ZWILCH: variants seen among roughly 807,000 people sequenced by gnomAD.
ZWILCH encodes zwilch kinetochore protein.
A neutral mutation model predicts 79.9 loss-of-function variants in ZWILCH; 74 were observed. The ratio of observed to expected loss-of-function variants is 0.93; its 90% CI spans 0.77 to 1.12. The LOEUF is 1.12. Ranked by LOEUF, ZWILCH falls within the 50% of genes most tolerant of loss-of-function variation. The pLI, the probability that ZWILCH is intolerant of heterozygous loss-of-function variation, is 0.00. For synonymous variants in ZWILCH, 241 were observed against 228.2 expected (o/e 1.06, Z -0.51); for missense variants, 694 against 687.5 (o/e 1.01, Z -0.11).
intron 17 of ZWILCH, among the ~76,000 whole-genome samples, chr15:66,545,237 C>G (rs1895333369): frequency 6.6e-6 from 1 of 151,832 alleles, no homozygotes; most frequent in Admixed American, 6.6e-5. Flanking sequence ...GCCTGTAATC[C>G]CAGCTACTCA....
chr15:66,516,443 TA>T (rs1245601630), intron 4 of ZWILCH, among the ~76,000 whole-genome samples: 2 of 152,220 alleles, frequency 1.3e-5, no homozygotes, highest in Non-Finnish European at 2.9e-5. Context: ...ATAACTACTG[TA>T]ATAACGTTCA....
chr15:66,523,193 T>G (rs1180612716), intron 7 of ZWILCH, among the ~76,000 whole-genome samples: 2 of 152,212 alleles, frequency 1.3e-5, no homozygotes, highest in Non-Finnish European at 2.9e-5. Context: ...CGTTTTTCTT[T>G]TTTTATGTTT....
intron 4 of ZWILCH, among the ~76,000 whole-genome samples, chr15:66,516,769 G>A (rs746947896): frequency 1.5e-4 from 23 of 152,190 alleles, no homozygotes; most frequent in Non-Finnish European, 8.8e-5. Flanking sequence ...GCCTCCCAAT[G>A]TGCTGGGATT....
intron 16 of ZWILCH, among the ~76,000 whole-genome samples, chr15:66,538,195 A>G (rs1046071392): frequency 2.0e-5 from 3 of 152,066 alleles, no homozygotes; most frequent in East Asian, 1.9e-4. Context: ...TAGCCACTCT[A>G]TTTATGTCCT....
In ZWILCH at chr15:66,549,822, T is replaced by C. The variant is rs989285609; in HGVS notation, c.*1498T>C. 32 of 382,572 alleles carry C rather than the reference T, an allele frequency of 8.4e-5. No individual in the cohort carries two copies. Among genetic ancestry groups the C allele is most frequent in the African/African-American group, 6.3e-4 (30 of 47,540 alleles). The allele number at this position is 382,572 out of a possible 1,614,324, so 23.7% of individuals were successfully genotyped here. A position where few individuals can be genotyped will look rare whatever the true frequency, so the allele number is the denominator to read the frequency against. The stretch of plus-strand genomic sequence containing the variant: ...TGATTCTGAAAGAATAAAACTTGAA[T>C]GGATAAAATGGATAAAATGTTTATC... On this transcript the variant is annotated 3_prime_UTR_variant, in exon 19 of 19. Transcript: ENST00000307897.
intron 3 of ZWILCH, among the ~76,000 whole-genome samples, chr15:66,514,866 T>C (rs1894197264): frequency 6.6e-6 from 1 of 152,212 alleles, no homozygotes; most frequent in Non-Finnish European, 1.5e-5. Context: ...TCTTCCTGTT[T>C]TGAGAGTGAA....
chr15:66,505,545 TC>T (rs1453169416), intron 1 of ZWILCH, 154 bp downstream of exon 1: 2 of 825,092 alleles, frequency 2.4e-6, no homozygotes, highest in Non-Finnish European at 3.9e-6. Flanking sequence ...GGTTCTCGGC[TC>T]CGGTGTGGGG....
At chr15:66,509,870 TCTCTTAA>T (rs1893988299) in intron 2 of ZWILCH, among the ~76,000 whole-genome samples, 31 of 100,554 alleles carry the variant, frequency 3.1e-4, no homozygotes, top group African/African-American at 1.2e-3. Context: ...TATATATATA[TCTCTTAA>T]AAATCAATGA....
chr15:66,537,387 G>A (rs1895049282), intron 16 of ZWILCH, 124 bp downstream of exon 16: 5 of 592,648 alleles, frequency 8.4e-6, no homozygotes. Flanking sequence ...ATGAGACCCT[G>A]TCTCTATTAA....
intron 3 of ZWILCH, 48 bp downstream of exon 3, chr15:66,514,131 T>G: frequency 7.0e-7 from 1 of 1,426,046 alleles, no homozygotes; most frequent in African/African-American, 1.4e-5. Context: ...CATAACCAAA[T>G]TTGGTTTCTT....
At chr15:66,512,637 T>G (rs529874944) in intron 2 of ZWILCH, among the ~76,000 whole-genome samples, 1 of 152,156 alleles carries the variant, frequency 6.6e-6, no homozygotes, top group Non-Finnish European at 1.5e-5. Flanking sequence ...GTGCAGAATC[T>G]CACTCTGTTG....
At chr15:66,530,115 T>C (rs1390599489) in intron 12 of ZWILCH, among the ~76,000 whole-genome samples, 2 of 152,192 alleles carry the variant, frequency 1.3e-5, no homozygotes, top group Non-Finnish European at 2.9e-5. Context: ...AGGACCTAAA[T>C]TTCTCTTGCT....
intron 15 of ZWILCH, among the ~76,000 whole-genome samples, chr15:66,536,430 A>G (rs1297962284): frequency 2.0e-5 from 3 of 152,272 alleles, no homozygotes; most frequent in Non-Finnish European, 4.4e-5. Context: ...TCTAAATGAT[A>G]ACAATGGAAT....
chr15:66,515,453 T>C lies in ZWILCH; in HGVS notation c.202-73T>C, dbSNP rs1248782577. 4.5e-6 allele frequency: 4 copies of C among 886,962 alleles called. No individual in the cohort carries two copies. The African/African-American group carries it at 5.1e-5, about 11-fold the overall frequency. The allele number at this position is 886,962 out of a possible 1,614,324, so 54.9% of individuals were successfully genotyped here. ...TTATGTTCTACTTGTCATTATTCTG[T>C]AGCATAGTAAAGAGTCAGCTGCTAT... is the stretch of plus-strand genomic sequence containing the variant. On this transcript the variant is annotated intron_variant, in intron 3 of 18. Transcript: ENST00000307897.
intron 17 of ZWILCH, among the ~76,000 whole-genome samples, chr15:66,546,028 G>A (rs1179371677): frequency 6.6e-6 from 1 of 152,180 alleles, no homozygotes; most frequent in Non-Finnish European, 1.5e-5. Flanking sequence ...GGAGTTAATG[G>A]AGGAGAAAAC....
At chr15:66,543,333 A>C (rs2140811283) in intron 17 of ZWILCH, among the ~76,000 whole-genome samples, 1 of 152,378 alleles carries the variant, frequency 6.6e-6, no homozygotes, top group Admixed American at 6.5e-5. Flanking sequence ...AAACATGGAG[A>C]CGGGGACTTA....
At chr15:66,535,690 A>G (rs962824620) in intron 14 of ZWILCH, among the ~76,000 whole-genome samples, 1 of 151,856 alleles carries the variant, frequency 6.6e-6, no homozygotes, top group Non-Finnish European at 1.5e-5. Context: ...AAAAAAAAAA[A>G]GACCACTGTA....
rs765187757 is a variant in ZWILCH at position 66,513,959 on chromosome 15, A to G, written c.106-29A>G. 25 of 1,529,442 alleles carry G rather than the reference A, an allele frequency of 1.6e-5. No individual in the cohort carries two copies. The Middle Eastern group carries it at 1.0e-3, about 62-fold the overall frequency. 94.7% of individuals were successfully genotyped at this position (1,529,442 alleles called of 1,614,324 possible). On this transcript the variant is annotated intron_variant, in intron 2 of 18. Transcript: ENST00000307897. ...ATAGTAGAAATATATAAGTGTATGT[A>G]TAATGTTGCTCGATACCTGTTTTAA...
chr15:66,541,915 C>T (rs1464803951), intron 17 of ZWILCH, among the ~76,000 whole-genome samples: 3 of 152,128 alleles, frequency 2.0e-5, no homozygotes, highest in Non-Finnish European at 4.4e-5. Flanking sequence ...TGCTCCTGCC[C>T]TCCCAAGTAT....
Sources: gnomAD v4.1 joint callset for allele counts (sites outside exome capture counted in the v4.1 genomes callset) on GRCh38, gnomAD v4.1.1 for gene constraint, MANE v1.5 for transcripts, NCBI Gene and HGNC (gene_info 2026-07-23, HGNC 2026-07-21) for gene names.